The following ARPP21 variants were observed in gnomAD, a reference collection of about 807,000 sequenced individuals.
ARPP21 encodes the protein cAMP regulated phosphoprotein 21, also known as cAMP-regulated phosphoprotein 21.
In ARPP21, 69 loss-of-function variants were observed where a neutral mutation model predicts 113.2. The ratio of observed to expected loss-of-function variants is 0.61; its 90% CI spans 0.50 to 0.74. The LOEUF (loss-of-function observed/expected upper bound fraction) is 0.74. ARPP21 is among the 30% of genes least tolerant of loss of function. The pLI, the probability that ARPP21 is intolerant of heterozygous loss-of-function variation, is 0.00. For synonymous variants in ARPP21, 368 were observed against 375.5 expected, an observed-to-expected ratio of 0.98 and a Z score of 0.23; for missense variants, 1,070 against 1,037.4, an observed-to-expected ratio of 1.03 and a Z score of -0.43.
intron 19 of ARPP21, 58 bp from the exon 20 acceptor site, chr3:35,792,324 T>A: frequency 6.5e-7 from 1 of 1,546,902 alleles, no homozygotes; most frequent in Non-Finnish European, 8.9e-7. Flanking sequence ...TTTTACCCCA[T>A]GAAACATCAC....
At chr3:35,724,052 T>TG (rs35051164) in intron 14 of ARPP21, among the ~76,000 whole-genome samples, 1 of 152,224 alleles carries the variant, frequency 6.6e-6, no homozygotes, top group Non-Finnish European at 1.5e-5. Context: ...AAACCAAGTC[T>TG]GGAGTTGTGA....
intron 19 of ARPP21, among the ~76,000 whole-genome samples, chr3:35,790,463 C>T (rs2096725849): frequency 6.6e-6 from 1 of 152,156 alleles, no homozygotes; most frequent in Non-Finnish European, 1.5e-5. Flanking sequence ...ATGTATGAAT[C>T]ACAATGGGAG....
intron 9 of ARPP21, among the ~76,000 whole-genome samples, chr3:35,705,600 A>G (rs1240956802): frequency 6.6e-6 from 1 of 152,164 alleles, no homozygotes; most frequent in Non-Finnish European, 1.5e-5. Context: ...AGTCTCTGAA[A>G]GGATGTGACC....
intron 1 of ARPP21, among the ~76,000 whole-genome samples, chr3:35,664,199 G>T (rs1486463048): frequency 1.3e-5 from 2 of 152,198 alleles, no homozygotes; most frequent in Non-Finnish European, 2.9e-5. Context: ...TATTTATGGG[G>T]TATAATGTGG....
At chr3:35,680,085 T>C (rs1426771306) in intron 2 of ARPP21, 125 bp downstream of exon 2, 1 of 152,298 alleles carries the variant, frequency 6.6e-6, no homozygotes. Flanking sequence ...CAGAGACTCA[T>C]TTGGCTTGTA....
chr3:35,657,907 A>G (rs1476293641), intron 1 of ARPP21, among the ~76,000 whole-genome samples: 2 of 152,112 alleles, frequency 1.3e-5, no homozygotes, highest in African/African-American at 4.8e-5. Context: ...CTACAGTAAC[A>G]GGGGCTTCTA....
chr3:35,659,359 A>G (rs1472726042), intron 1 of ARPP21, among the ~76,000 whole-genome samples: 1 of 152,198 alleles, frequency 6.6e-6, no homozygotes, highest in African/African-American at 2.4e-5. Flanking sequence ...TAATATGAAT[A>G]TAATATAAAT....
At chr3:35,654,747 A>G (rs540560018) in intron 1 of ARPP21, among the ~76,000 whole-genome samples, 3 of 152,054 alleles carry the variant, frequency 2.0e-5, no homozygotes, top group Non-Finnish European at 2.9e-5. Context: ...AGTTTCTCAG[A>G]TAAAGGAAGT....
At chr3:35,754,638 G>A (rs980970901) in intron 19 of ARPP21, among the ~76,000 whole-genome samples, 4 of 151,908 alleles carry the variant, frequency 2.6e-5, no homozygotes, top group Non-Finnish European at 5.9e-5. Flanking sequence ...GAAATAATAA[G>A]AATCATGCTA....
In ARPP21 at chr3:35,730,002, G is replaced by C. The variant is rs184869579; in HGVS notation, c.1459+466G>C. 2.6e-5 allele frequency among the ~76,000 whole-genome samples: 4 copies of C among 152,328 alleles called. No homozygotes were observed. The East Asian group carries it at 7.7e-4, about 29-fold the overall frequency. ...CATATAGTGACCATTAACTCTAGAA[G>C]TTGCTTTTTAACCTTAGAATTTCAG... On this transcript the variant is annotated intron_variant, in intron 15 of 20. Transcript: ENST00000684406.
chr3:35,746,984 G>C (rs998179671), intron 19 of ARPP21, among the ~76,000 whole-genome samples: 3 of 152,110 alleles, frequency 2.0e-5, no homozygotes, highest in African/African-American at 7.2e-5. Context: ...CTCTTCATCC[G>C]ATCAGCACAT....
intron 17 of ARPP21, 127 bp from the exon 18 acceptor site, chr3:35,739,189 AT>A: frequency 1.8e-6 from 2 of 1,129,214 alleles, no homozygotes; most frequent in Non-Finnish European, 2.5e-6. Context: ...ATTTTATTTT[AT>A]TTTTTCCAAA....
chr3:35,737,348 C>A lies in ARPP21; in HGVS notation c.1630C>A (p.Pro544Thr), dbSNP rs578190764. ...GCCACCGCAGCCACAGATGGCAGGC[C>A]CTCTGGTCACTCAGGTAGGGGGCTG... Reference protein sequence around the residue: ...VQPPQPQMAGPLVTQSVQGLQ... With the variant: ...VQPPQPQMAGTLVTQSVQGLQ... The change falls in exon 16 of 21, where the codon CCT (proline) becomes ACT (threonine). Residue 544 changes from proline to threonine, a missense_variant. Pro to Thr is a conservative substitution (Grantham distance 38). Coordinates refer to ENST00000684406, the MANE Select transcript of ARPP21 (RefSeq NM_001385562.1). 6.2e-6 allele frequency: 10 copies of A among 1,609,178 alleles called. No homozygotes were observed. The South Asian group carries it at 7.8e-5, about 12-fold the overall frequency.
rs547148403 is a variant in ARPP21, at chr3:35,650,596, T to C, written c.-213+10198T>C. The C allele has an allele frequency of 4.6e-5, 7 of 152,198 alleles. No homozygotes were observed. The East Asian group carries it at 7.7e-4, about 17-fold the overall frequency. 9.4% of individuals were successfully genotyped at this position (152,198 alleles called of 1,614,324 possible). A position where few individuals can be genotyped will look rare whatever the true frequency, so the allele number is the denominator to read the frequency against. On this transcript the variant is annotated intron_variant, in intron 1 of 20. Coordinates refer to ENST00000684406, the MANE Select transcript of ARPP21 (RefSeq NM_001385562.1). ...CGTACACTTTGAGGGTAGAAAAATA[T>C]TGTTTCCAGAAAACAAACATGGAAG...
intron 4 of ARPP21, 63 bp downstream of exon 4, chr3:35,682,952 A>G (rs2079413052): frequency 6.9e-7 from 1 of 1,444,052 alleles, no homozygotes; most frequent in African/African-American, 1.4e-5. Flanking sequence ...ATTTTACATC[A>G]GAGTTAAAGG....
At chr3:35,721,951 G>A in intron 14 of ARPP21, 117 bp downstream of exon 14, 1 of 665,562 alleles carries the variant, frequency 1.5e-6, no homozygotes, top group South Asian at 2.3e-5. Context: ...TAATCACAGG[G>A]ATAGCTGGAA....
At chr3:35,752,398 C>T (rs1037813876) in intron 19 of ARPP21, among the ~76,000 whole-genome samples, 7 of 151,802 alleles carry the variant, frequency 4.6e-5, no homozygotes, top group African/African-American at 1.7e-4. Context: ...GTCAGAAATA[C>T]AAACTTTAAA....
At chr3:35,647,521 G>T (rs914853951) in intron 1 of ARPP21, among the ~76,000 whole-genome samples, 2 of 152,066 alleles carry the variant, frequency 1.3e-5, no homozygotes, top group African/African-American at 4.8e-5. Flanking sequence ...CCAAGGAGGC[G>T]CATGGCCCTC....
At chr3:35,675,798 A>AGATGATGATGATGAT (rs58955088) in intron 1 of ARPP21, among the ~76,000 whole-genome samples, 1 of 149,244 alleles carries the variant, frequency 6.7e-6, no homozygotes, top group Non-Finnish European at 1.5e-5. Flanking sequence ...GCTAAGATGA[A>AGATGATGATGATGAT]GATGATGATG....
Sources: allele counts gnomAD v4.1 joint callset (sites outside exome capture counted in the v4.1 genomes callset), GRCh38; gene constraint gnomAD v4.1.1; transcripts MANE v1.5; gene names NCBI Gene and HGNC (gene_info 2026-07-23, HGNC 2026-07-21).